Variants in SERGEF observed in about 807,000 individuals in gnomAD.
The protein encoded by SERGEF is secretion-regulating guanine nucleotide exchange factor.
A neutral mutation model predicts 50.0 loss-of-function variants in SERGEF; 51 were observed. The observed-to-expected ratio is 1.02, with a 90% CI of 0.81 to 1.29. SERGEF has a LOEUF of 1.29. Among genes scored for constraint, SERGEF ranks in the 50% most tolerant of loss-of-function variants. SERGEF has a pLI of 0.00. For synonymous variants in SERGEF, 205 were observed against 212.4 expected (o/e 0.97, Z 0.30); for missense variants, 521 against 557.0 (o/e 0.94, Z 0.65).
intron 9 of SERGEF, among the ~76,000 whole-genome samples, chr11:17,899,614 T>C (rs971977690): frequency 2.6e-5 from 4 of 152,176 alleles, no homozygotes; most frequent in African/African-American, 9.7e-5. Context: ...CACCTTCACT[T>C]CATATCAGAT....
intron 9 of SERGEF, among the ~76,000 whole-genome samples, chr11:17,938,092 C>T (rs1231078204): frequency 6.6e-6 from 1 of 152,196 alleles, no homozygotes; most frequent in African/African-American, 2.4e-5. Flanking sequence ...CCCCTCTGTC[C>T]AGCAAACATA....
At chr11:17,958,978 C>G (rs1852934998) in intron 9 of SERGEF, among the ~76,000 whole-genome samples, 1 of 152,124 alleles carries the variant, frequency 6.6e-6, no homozygotes, top group Non-Finnish European at 1.5e-5. Flanking sequence ...AAGCAATTCT[C>G]CTGCCTCAGC....
intron 10 of SERGEF, among the ~76,000 whole-genome samples, chr11:17,811,531 C>T (rs1258825020): frequency 1.3e-5 from 2 of 152,218 alleles, no homozygotes; most frequent in African/African-American, 4.8e-5. Context: ...CCCATTAGCT[C>T]ATGCTTCCAG....
chr11:17,978,233 T>G (rs959969209), intron 8 of SERGEF, among the ~76,000 whole-genome samples: 4 of 152,088 alleles, frequency 2.6e-5, no homozygotes, highest in Non-Finnish European at 5.9e-5. Context: ...TAGTAAGTAC[T>G]TGGCAAACAC....
chr11:17,999,423 AT>A (rs1410953253), intron 5 of SERGEF: 28 of 284,420 alleles, frequency 9.8e-5, no homozygotes, highest in East Asian at 2.1e-4. Flanking sequence ...AAAAAGTTGA[AT>A]TTTTTTTGAA....
intron 9 of SERGEF, among the ~76,000 whole-genome samples, chr11:17,893,897 G>C (rs145795387): frequency 1.8e-3 from 274 of 152,306 alleles, no homozygotes; most frequent in Middle Eastern, 0.01. Context: ...CAGCCTCCAT[G>C]ACACTGAGGG....
intron 5 of SERGEF, among the ~76,000 whole-genome samples, chr11:17,998,407 A>C: frequency 7.1e-6 from 1 of 141,610 alleles, no homozygotes; most frequent in African/African-American, 2.7e-5. Flanking sequence ...ACAGGGGGGG[A>C]CCCTATCTTA....
intron 1 of SERGEF, chr11:18,010,440 G>A (rs1160394443): frequency 6.3e-6 from 1 of 158,004 alleles, no homozygotes; most frequent in Non-Finnish European, 1.4e-5. Flanking sequence ...GGCTCAGAGA[G>A]GTTAAGTAAC....
chr11:17,837,663 T>TC (rs1334010003), intron 10 of SERGEF, among the ~76,000 whole-genome samples: 2 of 149,382 alleles, frequency 1.3e-5, no homozygotes. Context: ...CTCTTTCTTT[T>TC]TTTTTTTTTT....
chr11:17,842,436 A>T (rs1448779716), intron 10 of SERGEF, among the ~76,000 whole-genome samples: 3 of 152,162 alleles, frequency 2.0e-5, no homozygotes, highest in Non-Finnish European at 2.9e-5. Flanking sequence ...CCACAGTTAC[A>T]TTTATTGAGG....
chr11:17,848,217 C>T (rs139341541), intron 10 of SERGEF, among the ~76,000 whole-genome samples: 13 of 152,008 alleles, frequency 8.6e-5, no homozygotes, highest in Non-Finnish European at 1.6e-4. Context: ...TGTGTTAGAG[C>T]CAAGTTACAA....
At chr11:17,982,692 T>C (rs1437620451) in intron 8 of SERGEF, among the ~76,000 whole-genome samples, 2 of 152,234 alleles carry the variant, frequency 1.3e-5, no homozygotes, top group African/African-American at 4.8e-5. Flanking sequence ...CAGTTTAGTG[T>C]GAATCAATGG....
At chr11:17,889,944 A>C (rs750535951) in intron 9 of SERGEF, among the ~76,000 whole-genome samples, 2 of 150,260 alleles carry the variant, frequency 1.3e-5, no homozygotes, top group Non-Finnish European at 3.0e-5. Flanking sequence ...GGGTGATTAC[A>C]TGGGTGCATA....
chr11:17,872,605 A>G (rs1851161225), intron 10 of SERGEF, among the ~76,000 whole-genome samples: 1 of 152,190 alleles, frequency 6.6e-6, no homozygotes, highest in Admixed American at 6.5e-5. Flanking sequence ...TTACAAATAC[A>G]TTTATACTTT....
At chr11:17,862,131 C>T (rs1041397776) in intron 10 of SERGEF, among the ~76,000 whole-genome samples, 3 of 152,180 alleles carry the variant, frequency 2.0e-5, no homozygotes, top group Non-Finnish European at 4.4e-5. Context: ...CCTCATTTCC[C>T]CCAGTTTGCC....
chr11:17,898,533 A>G (rs979511280), intron 9 of SERGEF, among the ~76,000 whole-genome samples: 5 of 152,218 alleles, frequency 3.3e-5, no homozygotes, highest in African/African-American at 1.2e-4. Context: ...TGGACAAAGT[A>G]GATGCTTACA....
At chr11:18,006,838 C>A (rs1308731402) in intron 2 of SERGEF, 92 bp from the exon 3 acceptor site, 1 of 1,441,240 alleles carries the variant, frequency 6.9e-7, no homozygotes, top group African/African-American at 1.4e-5. Flanking sequence ...TTTGGACTCT[C>A]AGACCAATAA....
chr11:17,981,336 G>A lies in SERGEF; in HGVS notation c.844+7261C>T, dbSNP rs16934835. Among the ~76,000 whole-genome samples the A allele has an allele frequency of 9.2e-3, 1,406 of 152,270 alleles. 39 individuals carry two copies. Among genetic ancestry groups the A allele is most frequent in the Admixed American group, 0.061 (927 of 15,294 alleles). The stretch of plus-strand genomic sequence containing the variant: ...ATGAATTTCCTTCCAATTGCTTGCC[G>A]AAATGTAGTATCACTGTCAAAAGCT... On this transcript the variant is annotated intron_variant, in intron 8 of 10. Transcript: ENST00000265965.
rs988362943 is a variant in SERGEF, at chr11:17,844,806, C to A, written c.1048+33402G>T. On this transcript the variant is annotated intron_variant, in intron 10 of 10. Transcript: ENST00000265965. Reference sequence around the variant, plus strand: ...GGGCCAGGGGTATAGAGAGGCTCTACGCCAGAGGTGTCCAATCTTTTGGCG... The same window carrying A: ...GGGCCAGGGGTATAGAGAGGCTCTAAGCCAGAGGTGTCCAATCTTTTGGCG... Among the ~76,000 whole-genome samples, 3 of 151,912 alleles carry A rather than the reference C, an allele frequency of 2.0e-5. No individual in the cohort carries two copies. The East Asian group carries it at 5.8e-4, about 29-fold the overall frequency.
Sources: allele counts gnomAD v4.1 joint callset (sites outside exome capture counted in the v4.1 genomes callset), GRCh38; gene constraint gnomAD v4.1.1; transcripts MANE v1.5; gene names NCBI Gene and HGNC (gene_info 2026-07-23, HGNC 2026-07-21).